The following LRBA variants were observed in gnomAD, a reference collection of about 807,000 sequenced individuals.
LRBA encodes the protein LPS responsive beige-like anchor protein, also known as lipopolysaccharide-responsive and beige-like anchor protein.
LRBA carries 176 observed loss-of-function variants against 330.0 expected under a neutral mutation model. That is an observed-to-expected ratio of 0.53 (90% CI 0.47 to 0.60). The LOEUF is 0.60. Ranked by LOEUF, LRBA falls within the 20% of genes least tolerant of loss-of-function variation. The pLI, the probability that LRBA is intolerant of heterozygous loss-of-function variation, is 0.00. For synonymous variants in LRBA, 1,230 were observed against 1,193.0 expected, an observed-to-expected ratio of 1.03 and a Z score of -0.64; for missense variants, 3,259 against 3,444.8, an observed-to-expected ratio of 0.95 and a Z score of 1.35.
At chr4:151,012,092 G>A (rs189154691) in intron 2 of LRBA, among the ~76,000 whole-genome samples, 1 of 152,234 alleles carries the variant, frequency 6.6e-6, no homozygotes, top group Non-Finnish European at 1.5e-5. Flanking sequence ...AACTTTTCCT[G>A]CCCTACCTGA....
chr4:150,422,929 TACAAG>T, intron 46 of LRBA: 1 of 795,358 alleles, frequency 1.3e-6, no homozygotes, highest in Non-Finnish European at 2.3e-6. Context: ...GCCAGCTCTG[TACAAG>T]ACTTCATTCT....
chr4:150,890,733 G>GT (rs1454038677), intron 17 of LRBA, among the ~76,000 whole-genome samples: 1 of 152,154 alleles, frequency 6.6e-6, no homozygotes, highest in Non-Finnish European at 1.5e-5. Flanking sequence ...GTTAAGATGA[G>GT]TTAGTCACAA....
At chr4:150,905,078 A>G (rs1731181805) in intron 13 of LRBA, among the ~76,000 whole-genome samples, 7 of 152,148 alleles carry the variant, frequency 4.6e-5, no homozygotes, top group Admixed American at 4.6e-4. Context: ...TACTGCCACT[A>G]CTGAATTTTT....
intron 9 of LRBA, among the ~76,000 whole-genome samples, chr4:150,909,202 T>A (rs1403136948): frequency 2.6e-5 from 4 of 152,208 alleles, no homozygotes; most frequent in Non-Finnish European, 5.9e-5. Flanking sequence ...TTAACTGTAT[T>A]CATATTGTTC....
intron 36 of LRBA, among the ~76,000 whole-genome samples, chr4:150,699,481 C>G (rs1398233429): frequency 6.6e-6 from 1 of 152,078 alleles, no homozygotes; most frequent in African/African-American, 2.4e-5. Flanking sequence ...CTCCAGAGCT[C>G]TGATACAACT....
intron 40 of LRBA, among the ~76,000 whole-genome samples, chr4:150,569,946 C>A (rs1769629347): frequency 6.6e-6 from 1 of 152,076 alleles, no homozygotes; most frequent in Admixed American, 6.6e-5. Context: ...AAATCGCACA[C>A]CAGAAGAAAA....
chr4:150,278,145 G>T, intron 55 of LRBA, 141 bp from the exon 56 acceptor site: 1 of 680,906 alleles, frequency 1.5e-6, no homozygotes, highest in Non-Finnish European at 2.4e-6. Context: ...AGAAAATCGT[G>T]AGTTGTAGAA....
chr4:150,778,225 T>C (rs1455578535), intron 34 of LRBA, among the ~76,000 whole-genome samples: 8 of 152,192 alleles, frequency 5.3e-5, no homozygotes, highest in Non-Finnish European at 1.0e-4. Context: ...AATAGAATAC[T>C]GCCCTTCGGA....
intron 44 of LRBA, among the ~76,000 whole-genome samples, chr4:150,455,588 A>G (rs1753958798): frequency 6.6e-6 from 1 of 152,138 alleles, no homozygotes; most frequent in Non-Finnish European, 1.5e-5. Context: ...AGATGTTTTG[A>G]TACAGGCAAG....
chr4:151,014,551 C>T lies in LRBA; in HGVS notation c.92G>A (p.Gly31Asp), dbSNP rs1745218996. 1.9e-6 allele frequency: 3 copies of T among 1,613,708 alleles called. No individual in the cohort carries two copies. The highest frequency in any genetic ancestry group is 2.5e-6 in the Non-Finnish European group (3 of 1,179,754). Residue 31 changes from glycine to aspartate, a missense_variant, in exon 2 of 57, where the codon GGT (glycine) becomes GAT (aspartate). By Grantham distance (94) the Gly-to-Asp change is moderately conservative (BLOSUM62 -1). Coordinates refer to ENST00000651943, the MANE Select transcript of LRBA (RefSeq NM_001364905.1). ...GAGCCCTGGTTTCAGAGACAATGCA[C>T]CCCCTTCAGTAGGGGTTTCTTCTCT... ...GGREETPTEG[G>D]ALSLKPGLPI...
chr4:150,809,944 C>A (rs1260644927), intron 31 of LRBA, among the ~76,000 whole-genome samples: 3 of 152,024 alleles, frequency 2.0e-5, no homozygotes, highest in Non-Finnish European at 2.9e-5. Context: ...CTTCCCTCTG[C>A]TTCACACCAC....
chr4:150,621,776 C>T (rs528479741), intron 37 of LRBA, among the ~76,000 whole-genome samples: 79 of 152,210 alleles, frequency 5.2e-4, no homozygotes, highest in African/African-American at 1.9e-3. Flanking sequence ...TTTTACTTTC[C>T]TATTATGTAT....
intron 2 of LRBA, among the ~76,000 whole-genome samples, chr4:151,000,582 G>C (rs1743215895): frequency 6.6e-6 from 1 of 152,172 alleles, no homozygotes; most frequent in Non-Finnish European, 1.5e-5. Flanking sequence ...AGGACAGGTA[G>C]CATATACGTA....
chr4:150,684,893 CCA>C (rs1783395595), intron 36 of LRBA, among the ~76,000 whole-genome samples: 2 of 152,110 alleles, frequency 1.3e-5, no homozygotes, highest in African/African-American at 4.8e-5. Flanking sequence ...CGCACTACTC[CCA>C]CCACCACCCC....
rs1553959732 is a variant in LRBA at position 150,777,066 on chromosome 4, T to TTGTTG, written c.5581-15220_5581-15219insCAACA. 7.7e-3 allele frequency among the ~76,000 whole-genome samples: 1,038 copies of TTGTTG among 134,364 alleles called. 9 individuals carry two copies. The highest frequency in any genetic ancestry group is 0.011 in the Non-Finnish European group (757 of 66,654). 88.1% of individuals were successfully genotyped at this position (134,364 alleles called of 152,430 possible). A position where few individuals can be genotyped will look rare whatever the true frequency, so the allele number is the denominator to read the frequency against. ...TTTTAAAGTCAGTTTTTTGAGGGGT[T>TTGTTG]TTGTTGTTGTTGTTGTTGTTGTTGT... On this transcript the variant is annotated intron_variant, in intron 34 of 56. Transcript: ENST00000651943.
chr4:150,713,130 C>T (rs531537047), intron 36 of LRBA, among the ~76,000 whole-genome samples: 153 of 152,078 alleles, frequency 1.0e-3, no homozygotes, highest in African/African-American at 3.5e-3. Flanking sequence ...GAGATGGGGT[C>T]TTGCTATATT....
At chr4:150,481,667 T>G (rs1757315358) in intron 42 of LRBA, among the ~76,000 whole-genome samples, 1 of 152,132 alleles carries the variant, frequency 6.6e-6, no homozygotes, top group African/African-American at 2.4e-5. Flanking sequence ...GGCCTATGGC[T>G]ATGATGTATG....
intron 50 of LRBA, among the ~76,000 whole-genome samples, chr4:150,316,675 G>C (rs749416918): frequency 1.3e-5 from 2 of 152,170 alleles, no homozygotes; most frequent in African/African-American, 4.8e-5. Context: ...ATTGATACCG[G>C]TGGGCTAGGG....
chr4:150,443,186 C>T (rs1161022565), intron 44 of LRBA, among the ~76,000 whole-genome samples: 3 of 152,078 alleles, frequency 2.0e-5, no homozygotes, highest in African/African-American at 7.2e-5. Context: ...TTTTAATGAT[C>T]GCCATTCTAA....
Sources: allele counts gnomAD v4.1 joint callset (sites outside exome capture counted in the v4.1 genomes callset), GRCh38; gene constraint gnomAD v4.1.1; transcripts MANE v1.5; gene names NCBI Gene and HGNC (gene_info 2026-07-23, HGNC 2026-07-21).